PCDHGA8: variants seen among roughly 807,000 people sequenced by gnomAD.
PCDHGA8 encodes the protein protocadherin gamma-A8.
PCDHGA8 carries 45 observed loss-of-function variants against 59.2 expected under a neutral mutation model. The observed-to-expected ratio is 0.76, with a 90% CI of 0.60 to 0.98. The LOEUF (loss-of-function observed/expected upper bound fraction) is 0.98, where lower values mean the gene tolerates loss of function less well. PCDHGA8 is among the 50% of genes least tolerant of loss of function. The pLI, the probability that PCDHGA8 is intolerant of heterozygous loss-of-function variation, is 0.00. For missense variants in PCDHGA8, 1,257 were observed against 1,196.2 expected (o/e 1.05, Z -0.75); for synonymous variants, 531 against 519.0 (o/e 1.02, Z -0.32).
chr5:141,477,162 C>A lies in PCDHGA8; in HGVS notation c.2425-17645C>A, dbSNP rs147392557. ...GAGGTTGTGGATGTGAATGACAACG[C>A]CCCGGAGATCACAGTCACCTCCGTG... On this transcript the variant is annotated intron_variant, in intron 1 of 3. Transcript: ENST00000398604. This position sits in a 1 kb window ranked among gnomAD's most constrained non-coding sequence, Gnocchi z 4.9. 3.5e-5 allele frequency: 57 copies of A among 1,614,162 alleles called. No homozygotes were observed. The Middle Eastern group carries it at 9.9e-4, about 28-fold the overall frequency.
chr5:141,419,151 C>G, intron 1 of PCDHGA8: 3 of 1,613,918 alleles, frequency 1.9e-6, no homozygotes, highest in Non-Finnish European at 1.7e-6. Flanking sequence ...GGCAAGCCTC[C>G]GTTATCCTCC....
intron 1 of PCDHGA8, chr5:141,428,257 G>A: frequency 1.2e-6 from 1 of 865,864 alleles, no homozygotes; most frequent in Non-Finnish European, 1.9e-6. Context: ...AGACTTCAGT[G>A]ACAGTCCTGT....
intron 1 of PCDHGA8, among the ~76,000 whole-genome samples, chr5:141,438,591 CATATAT>C (rs946798767): frequency 1.2e-3 from 91 of 75,538 alleles, no homozygotes; most frequent in Non-Finnish European, 1.7e-3. Flanking sequence ...TACATACATA[CATATAT>C]ATATATATAT....
rs1275819200 is a variant in PCDHGA8, at chr5:141,491,620, A to G, written c.2425-3187A>G. 5 of 1,613,788 alleles carry G rather than the reference A, an allele frequency of 3.1e-6. No individual in the cohort carries two copies. Among genetic ancestry groups the G allele is most frequent in the Non-Finnish European group, 4.2e-6 (5 of 1,180,014 alleles). On this transcript the variant is annotated intron_variant, in intron 1 of 3. Coordinates refer to ENST00000398604, the MANE Select transcript of PCDHGA8 (RefSeq NM_032088.2). The surrounding 1 kb of genome is among the most constrained non-coding windows in gnomAD (Gnocchi z 6.9). ...TGACTTCACTTTTCTAAGACCCCTC[A>G]GCGTTCAGCAGCCCACAGCTCTGGC...
chr5:141,439,960 T>G (rs1297261423), intron 1 of PCDHGA8: 1 of 152,668 alleles, frequency 6.6e-6, no homozygotes, highest in African/African-American at 2.4e-5. Flanking sequence ...AGATCCGTTA[T>G]TCAGTCCTAG....
chr5:141,508,171 A>G (rs1364776681), intron 3 of PCDHGA8: 2 of 152,406 alleles, frequency 1.3e-5, no homozygotes, highest in African/African-American at 4.8e-5. Context: ...AGGCTGGCAC[A>G]GGAGAGAAGG....
chr5:141,414,427 C>G lies in PCDHGA8; in HGVS notation c.2424+19190C>G, dbSNP rs766147938. The G allele has an allele frequency of 6.2e-6, 10 of 1,613,684 alleles. No individual in the cohort carries two copies. The highest frequency in any genetic ancestry group is 1.6e-4 in the Middle Eastern group (1 of 6,084). On this transcript the variant is annotated intron_variant, in intron 1 of 3. Coordinates refer to ENST00000398604, the MANE Select transcript of PCDHGA8 (RefSeq NM_032088.2). ...GATACACAGAGCCCTTGACAGGGAA[C>G]AGGTATCCTCTTACAATATCACAGT... is the stretch of plus-strand genomic sequence containing the variant.
chr5:141,400,254 G>C, intron 1 of PCDHGA8: 1 of 1,613,980 alleles, frequency 6.2e-7, no homozygotes. Flanking sequence ...CCGTTGCCTT[G>C]CGCCTGCGAC....
chr5:141,472,954 C>A (rs2099305799), intron 1 of PCDHGA8, among the ~76,000 whole-genome samples: 1 of 143,370 alleles, frequency 7.0e-6, no homozygotes, highest in Admixed American at 7.3e-5. Flanking sequence ...CCATTGCACT[C>A]CAGCCTGGGG....
chr5:141,428,773 T>C (rs1036838681), intron 1 of PCDHGA8: 1 of 154,174 alleles, frequency 6.5e-6, no homozygotes, highest in Admixed American at 6.4e-5. Context: ...CCACTCTTAA[T>C]ATTTCCTGTT....
In PCDHGA8 at chr5:141,431,354, G is replaced by T. The variant is rs777198567; in HGVS notation, c.2424+36117G>T. The T allele has an allele frequency of 1.9e-6, 3 of 1,614,036 alleles. No individual in the cohort carries two copies. In the South Asian group the frequency reaches 3.3e-5, roughly 18 times the overall value. ...GTACCCCGAATTGGTGCTGAAACGC[G>T]CCCTGGACCGCGAAGAAAAGGCTGC... On this transcript the variant is annotated intron_variant, in intron 1 of 3. Coordinates refer to ENST00000398604, the MANE Select transcript of PCDHGA8 (RefSeq NM_032088.2). This position sits in a 1 kb window ranked among gnomAD's most constrained non-coding sequence, Gnocchi z 4.8.
chr5:141,421,031 T>A, intron 1 of PCDHGA8: 1 of 529,760 alleles, frequency 1.9e-6, no homozygotes, highest in Non-Finnish European at 3.3e-6. Context: ...CGCCATTGAG[T>A]CCCTCCCTCC....
intron 1 of PCDHGA8, chr5:141,423,368 C>A: frequency 3.1e-6 from 5 of 1,614,200 alleles, no homozygotes; most frequent in Non-Finnish European, 4.2e-6. Context: ...GTGCTGCTGG[C>A]ACTCAGGCTG....
intron 1 of PCDHGA8, among the ~76,000 whole-genome samples, chr5:141,454,796 ATTTTTTTTTTTTT>A (rs61612330): frequency 7.8e-5 from 6 of 77,408 alleles, no homozygotes; most frequent in African/African-American, 1.2e-4. Flanking sequence ...CATGGTTCTA[ATTTTTTTTTTTTT>A]TTTTTTTTTT....
In PCDHGA8 at chr5:141,394,616, C is replaced by T. The variant is rs2093043198; in HGVS notation, c.1803C>T (p.Asn601=). 2 of 1,613,490 alleles carry T rather than the reference C, an allele frequency of 1.2e-6. No homozygotes were observed. Among genetic ancestry groups the T allele is most frequent in the East Asian group, 2.2e-5 (1 of 44,850 alleles). ...VVAVDRDSGQ[N]AWLSYRLLKA... is the part of the protein sequence containing the mutation. ...CGGTGGACAGAGACTCGGGCCAGAACGCCTGGCTGTCCTACCGCCTGCTCA... is the reference window on the plus strand; with the variant it reads ...CGGTGGACAGAGACTCGGGCCAGAATGCCTGGCTGTCCTACCGCCTGCTCA... Residue 601 remains asparagine (N), a synonymous_variant, in exon 1 of 4, where the codon AAC becomes AAT. Transcript: ENST00000398604.
Position 141,489,101 on chromosome 5 carries a change from T to C in PCDHGA8, c.2425-5706T>C. The C allele has an allele frequency of 2.5e-6, 1 of 398,412 alleles. No homozygotes were observed. The highest frequency in any genetic ancestry group is 4.3e-5 in the South Asian group (1 of 23,096). The allele number at this position is 398,412 out of a possible 1,614,324, so 24.7% of individuals were successfully genotyped here. A position where few individuals can be genotyped will look rare whatever the true frequency, so the allele number is the denominator to read the frequency against. ...CCGCCACTCGGTGACTAAGAACTGC[T>C]GCAAGCAGGCAAACCTCCGAGCAGT... On this transcript the variant is annotated intron_variant, in intron 1 of 3. Coordinates refer to ENST00000398604, the MANE Select transcript of PCDHGA8 (RefSeq NM_032088.2). The surrounding 1 kb of genome is among the most constrained non-coding windows in gnomAD (Gnocchi z 4.5).
intron 1 of PCDHGA8, chr5:141,413,963 C>T (rs1368202031): frequency 6.8e-6 from 11 of 1,613,446 alleles, no homozygotes; most frequent in Non-Finnish European, 9.3e-6. Context: ...CCTGTGGGCA[C>T]TCAGCTGCTG....
intron 1 of PCDHGA8, among the ~76,000 whole-genome samples, chr5:141,447,234 G>T (rs534523483): frequency 9.9e-4 from 150 of 152,170 alleles, no homozygotes; most frequent in Non-Finnish European, 1.8e-3. Flanking sequence ...CCGCCTCCCG[G>T]GTTCAAGTGA....
intron 1 of PCDHGA8, chr5:141,412,306 A>G (rs1160364599): frequency 1.3e-5 from 2 of 152,238 alleles, no homozygotes; most frequent in Non-Finnish European, 2.9e-5. Flanking sequence ...TCTCATTACA[A>G]TGCAAACAGT....
Sources: allele counts gnomAD v4.1 joint callset (sites outside exome capture counted in the v4.1 genomes callset), GRCh38; gene constraint gnomAD v4.1.1; non-coding constraint Gnocchi (gnomAD v3.1); transcripts MANE v1.5; gene names NCBI Gene and HGNC (gene_info 2026-07-23, HGNC 2026-07-21).